PREX2: variants seen among roughly 807,000 people sequenced by gnomAD.
PREX2 encodes the protein phosphatidylinositol 3,4,5-trisphosphate-dependent Rac exchanger 2 protein.
PREX2 carries 107 observed loss-of-function variants against 203.2 expected under a neutral mutation model. The ratio of observed to expected loss-of-function variants is 0.53; its 90% CI spans 0.45 to 0.62. The LOEUF is 0.62. Among genes scored for constraint, PREX2 ranks in the 20% least tolerant of loss-of-function variants. The pLI is 0.00. For missense variants in PREX2, 1,777 were observed against 1,955.9 expected (o/e 0.91, Z 1.72); for synonymous variants, 672 against 663.6 (o/e 1.01, Z -0.19).
At chr8:68,211,210 C>A (rs1812736362) in intron 37 of PREX2, among the ~76,000 whole-genome samples, 1 of 152,138 alleles carries the variant, frequency 6.6e-6, no homozygotes, top group African/African-American at 2.4e-5. Flanking sequence ...ATGTTATCAG[C>A]AAATGCCCAA....
chr8:68,090,124 A>G (rs1017160161), intron 19 of PREX2, among the ~76,000 whole-genome samples: 1 of 152,214 alleles, frequency 6.6e-6, no homozygotes, highest in African/African-American at 2.4e-5. Flanking sequence ...TTTTCTCTTA[A>G]GGATTTTCTT....
At chr8:68,027,142 T>C in intron 4 of PREX2, 80 bp from the exon 5 acceptor site, 1 of 1,019,918 alleles carries the variant, frequency 9.8e-7, no homozygotes, top group South Asian at 1.3e-5. Context: ...TTCACTAGTT[T>C]TTAGCATTTT....
intron 10 of PREX2, among the ~76,000 whole-genome samples, chr8:68,058,613 T>C (rs1808750417): frequency 1.3e-5 from 2 of 152,136 alleles, no homozygotes; most frequent in Admixed American, 1.3e-4. Context: ...TTTTAAATTT[T>C]TAGTAGAGAC....
At chr8:68,130,620 A>G (rs1211490459) in intron 31 of PREX2, among the ~76,000 whole-genome samples, 1 of 152,202 alleles carries the variant, frequency 6.6e-6, no homozygotes, top group Non-Finnish European at 1.5e-5. Flanking sequence ...AAGAAGGAGG[A>G]ATGAACCCCA....
chr8:68,116,463 C>T (rs1404363844), intron 26 of PREX2, among the ~76,000 whole-genome samples: 1 of 152,156 alleles, frequency 6.6e-6, no homozygotes, highest in South Asian at 2.1e-4. Flanking sequence ...TTACTACAAA[C>T]TGGGCAGCTT....
At chr8:68,087,128 T>A (rs573409361) in intron 18 of PREX2, among the ~76,000 whole-genome samples, 1 of 152,330 alleles carries the variant, frequency 6.6e-6, no homozygotes, top group African/African-American at 2.4e-5. Context: ...TTGCCACAGA[T>A]ACCCTGCAAA....
intron 39 of PREX2, among the ~76,000 whole-genome samples, chr8:68,227,927 T>C (rs1813083551): frequency 6.6e-6 from 1 of 152,212 alleles, no homozygotes; most frequent in African/African-American, 2.4e-5. Flanking sequence ...GCAATCTGTG[T>C]CTAAAAGATG....
chr8:68,087,479 T>C (rs1191781445), intron 18 of PREX2, among the ~76,000 whole-genome samples: 1 of 152,174 alleles, frequency 6.6e-6, no homozygotes, highest in Non-Finnish European at 1.5e-5. Flanking sequence ...TGAGCAGTAA[T>C]CAAGCCACTA....
At chr8:68,102,722 T>C (rs1810298208) in intron 23 of PREX2, 1 of 413,342 alleles carries the variant, frequency 2.4e-6, no homozygotes, top group Non-Finnish European at 4.8e-6. Context: ...ATTTTGACTC[T>C]GAAAGTTTTA....
intron 7 of PREX2, among the ~76,000 whole-genome samples, chr8:68,039,251 C>T (rs1434767): frequency 0.017 from 2,562 of 152,224 alleles, 51 homozygotes; most frequent in African/African-American, 0.054. Context: ...CACTGAGCTA[C>T]TCCTATCAGA....
At position 67,994,422 on chromosome 8, in the gene PREX2, G is replaced by C. The variant is rs141722832; in HGVS notation, c.142-23424G>C. Among the ~76,000 whole-genome samples, 341 of 152,308 alleles carry C rather than the reference G, an allele frequency of 2.2e-3. 1 individual carries two copies. Among genetic ancestry groups the C allele is most frequent in the Admixed American group, 7.7e-3 (118 of 15,308 alleles). ...TGTTACTGTGTATTCTAACTTTGGG[G>C]ATAGAGAAGAGAAGACGGGGGTTCT... On this transcript the variant is annotated intron_variant, in intron 1 of 39. Coordinates refer to ENST00000288368, the MANE Select transcript of PREX2 (RefSeq NM_024870.4).
intron 39 of PREX2, among the ~76,000 whole-genome samples, chr8:68,225,306 TC>T (rs1813037134): frequency 6.6e-6 from 1 of 152,142 alleles, no homozygotes; most frequent in African/African-American, 2.4e-5. Flanking sequence ...TATTTACAGT[TC>T]ACACAGCATC....
intron 21 of PREX2, 150 bp from the exon 22 acceptor site, chr8:68,096,867 T>C (rs1810093833): frequency 1.5e-6 from 1 of 660,004 alleles, no homozygotes; most frequent in Non-Finnish European, 2.6e-6. Context: ...TTTTTTAAAA[T>C]GTTAACAAGA....
intron 37 of PREX2, among the ~76,000 whole-genome samples, chr8:68,208,619 G>A (rs530026740): frequency 6.6e-6 from 1 of 152,078 alleles, no homozygotes; most frequent in Admixed American, 6.5e-5. Flanking sequence ...CAGAGGAAGA[G>A]GTAAAAAGCA....
chr8:68,128,714 G>T (rs1034212768), intron 31 of PREX2, among the ~76,000 whole-genome samples: 1 of 152,140 alleles, frequency 6.6e-6, no homozygotes, highest in African/African-American at 2.4e-5. Flanking sequence ...ACCTTCTACT[G>T]GCCCCAGCAT....
At chr8:68,228,560 A>G (rs557034949) in intron 39 of PREX2, among the ~76,000 whole-genome samples, 166 of 152,220 alleles carry the variant, frequency 1.1e-3, no homozygotes, top group Non-Finnish European at 2.1e-3. Context: ...CAGGAGATCA[A>G]GACCATCCTG....
intron 39 of PREX2, among the ~76,000 whole-genome samples, chr8:68,225,937 C>T (rs1267053302): frequency 1.3e-5 from 2 of 152,126 alleles, no homozygotes; most frequent in Admixed American, 6.5e-5. Context: ...GACCTATAAA[C>T]ACTAATAAAC....
At chr8:68,058,202 A>T (rs1202333522) in intron 10 of PREX2, among the ~76,000 whole-genome samples, 2 of 152,152 alleles carry the variant, frequency 1.3e-5, no homozygotes, top group African/African-American at 4.8e-5. Flanking sequence ...TCTCACTCTT[A>T]AAAATATTTC....
chr8:67,977,062 T>G (rs1806132369), intron 1 of PREX2, among the ~76,000 whole-genome samples: 1 of 152,220 alleles, frequency 6.6e-6, no homozygotes. Context: ...GTCTCCCCCC[T>G]AAATGTATAT....
Sources: gnomAD v4.1 joint callset for allele counts (sites outside exome capture counted in the v4.1 genomes callset) on GRCh38, gnomAD v4.1.1 for gene constraint, MANE v1.5 for transcripts, NCBI Gene and HGNC (gene_info 2026-07-23, HGNC 2026-07-21) for gene names.